The following MYPN variants were observed in gnomAD, a reference collection of about 807,000 sequenced individuals.
MYPN encodes myopalladin, also known as sarcomeric protein myopalladin, 145 kDa (MYOP).
A neutral mutation model predicts 129.4 loss-of-function variants in MYPN; 63 were observed. That is an observed-to-expected ratio of 0.49 (90% CI 0.40 to 0.60). MYPN has a LOEUF of 0.60. Ranked by LOEUF, MYPN falls within the 20% of genes least tolerant of loss-of-function variation. The pLI, the probability that MYPN is intolerant of heterozygous loss-of-function variation, is 0.00. For missense variants in MYPN, 1,596 were observed against 1,635.4 expected, an observed-to-expected ratio of 0.98 and a Z score of 0.42; for synonymous variants, 629 against 600.9, an observed-to-expected ratio of 1.05 and a Z score of -0.68.
At chr10:68,129,077 A>C (rs994827529) in intron 2 of MYPN, among the ~76,000 whole-genome samples, 2 of 151,954 alleles carry the variant, frequency 1.3e-5, no homozygotes, top group African/African-American at 2.4e-5. Flanking sequence ...AGGCTACTCA[A>C]AGTGGGTCCA....
At chr10:68,103,092 C>T (rs1017112776), upstream of MYPN, among the ~76,000 whole-genome samples, 1 of 152,150 alleles carries the variant, frequency 6.6e-6, no homozygotes, top group African/African-American at 2.4e-5. Context: ...AAAAGCAAAA[C>T]AAAAAGATTT....
chr10:68,108,638 A>G (rs2042041016), upstream of MYPN, among the ~76,000 whole-genome samples: 1 of 152,222 alleles, frequency 6.6e-6, no homozygotes, highest in Non-Finnish European at 1.5e-5. Context: ...GTCTTCTACC[A>G]TGATTGATAA....
At chr10:68,207,012 C>T (rs2043827731) in intron 19 of MYPN, 109 bp downstream of exon 19, 7 of 1,385,814 alleles carry the variant, frequency 5.1e-6, no homozygotes, top group Non-Finnish European at 6.0e-6. Flanking sequence ...AATCCCAGCA[C>T]TTTGGGAGGC....
chr10:68,120,321 CT>C lies in MYPN; in HGVS notation c.-1-1114del, dbSNP rs141630937. 7.9e-3 allele frequency among the ~76,000 whole-genome samples: 1,197 copies of C among 152,242 alleles called. 8 individuals carry two copies. The highest frequency in any genetic ancestry group is 0.016 in the South Asian group (76 of 4,830). ...AAAATTGGCTTGCATTATTATATTA[CT>C]TTCTTAAGACTTTAAAAATATTTAT... On this transcript the variant is annotated intron_variant, in intron 1 of 19. Coordinates refer to ENST00000358913, the MANE Select transcript of MYPN (RefSeq NM_032578.4).
rs554280582 is a variant in MYPN at position 68,176,551 on chromosome 10, G to A, written c.2703+1090G>A. ...CTTCCAGTGGAGCCATGGATATATA[G>A]TAATTCGCAATTGTGTTATATATTG... On this transcript the variant is annotated intron_variant, in intron 12 of 19. Transcript: ENST00000358913. Among the ~76,000 whole-genome samples, 129 of 152,224 alleles carry A rather than the reference G, an allele frequency of 8.5e-4. 1 individual carries two copies. Among genetic ancestry groups the A allele is most frequent in the African/African-American group, 2.7e-3 (113 of 41,536 alleles).
At chr10:68,096,786 A>G (rs1395319189) in intron 1 of MYPN, among the ~76,000 whole-genome samples, 1 of 152,222 alleles carries the variant, frequency 6.6e-6, no homozygotes, top group Non-Finnish European at 1.5e-5. Flanking sequence ...AGGTTAGGAT[A>G]TTCCTCACTT....
At position 68,158,221 on chromosome 10, in the gene MYPN, G is replaced by C. The variant is rs146099488; in HGVS notation, c.1318-265G>C. The C allele has an allele frequency of 5.5e-3, 2,409 of 437,116 alleles. 9 individuals carry two copies. Among genetic ancestry groups the C allele is most frequent in the Middle Eastern group, 9.2e-3 (14 of 1,530 alleles). The allele number at this position is 437,116 out of a possible 1,614,324, so 27.1% of individuals were successfully genotyped here. A position where few individuals can be genotyped will look rare whatever the true frequency, so the allele number is the denominator to read the frequency against. ...CCCTCCTGAAGCTGTGCGCTCAGTGGAAGAAGATGACCATCCCTGATAGAG... is the reference window on the plus strand; with the variant it reads ...CCCTCCTGAAGCTGTGCGCTCAGTGCAAGAAGATGACCATCCCTGATAGAG... On this transcript the variant is annotated intron_variant, in intron 6 of 19. Coordinates refer to ENST00000358913, the MANE Select transcript of MYPN (RefSeq NM_032578.4).
rs61854760 is a variant in MYPN, at chr10:68,204,503, C to G, written c.3660-2267C>G. On this transcript the variant is annotated intron_variant, in intron 18 of 19. Coordinates refer to ENST00000358913, the MANE Select transcript of MYPN (RefSeq NM_032578.4). ...TTGGGAGGCCAAGGCAGGTGGATCA[C>G]CTTTGGTCAGGAGTTGGAGACCAGC... is the stretch of plus-strand genomic sequence containing the variant. Among the ~76,000 whole-genome samples, 7 of 152,202 alleles carry G rather than the reference C, an allele frequency of 4.6e-5. No homozygotes were observed. The South Asian group carries it at 1.5e-3, about 32-fold the overall frequency.
chr10:68,199,862 G>A (rs1338264633), intron 17 of MYPN, among the ~76,000 whole-genome samples: 1 of 152,128 alleles, frequency 6.6e-6, no homozygotes, highest in Non-Finnish European at 1.5e-5. Flanking sequence ...CCAGTTATTT[G>A]CCCTACAGTC....
intron 18 of MYPN, 98 bp downstream of exon 18, chr10:68,202,092 T>C (rs1449636156): frequency 2.2e-6 from 3 of 1,368,582 alleles, no homozygotes; most frequent in East Asian, 2.3e-5. Flanking sequence ...GCTTACTTCA[T>C]TTAGAATAAT....
intron 1 of MYPN, among the ~76,000 whole-genome samples, chr10:68,091,523 T>A (rs1486886797): frequency 1.3e-5 from 2 of 151,402 alleles, no homozygotes; most frequent in African/African-American, 4.9e-5. Flanking sequence ...GCCTCTCGAT[T>A]AGCTAGGGCT....
chr10:68,149,980 C>G, intron 5 of MYPN, 60 bp from the exon 6 acceptor site: 1 of 1,453,268 alleles, frequency 6.9e-7, no homozygotes, highest in African/African-American at 1.4e-5. Flanking sequence ...TTTGTTATGT[C>G]TCACTATCCA....
At chr10:68,136,496 A>G in intron 2 of MYPN, 1 of 1,296,370 alleles carries the variant, frequency 7.7e-7, no homozygotes. Context: ...TCAGCATAGC[A>G]GGGTAAATTT....
chr10:68,149,963 C>T, intron 5 of MYPN, 77 bp from the exon 6 acceptor site: 1 of 1,352,290 alleles, frequency 7.4e-7, no homozygotes, highest in South Asian at 1.2e-5. Flanking sequence ...ATACCAAATT[C>T]TATAGGTTTG....
chr10:68,152,806 T>G (rs2042796715), intron 6 of MYPN, among the ~76,000 whole-genome samples: 1 of 151,268 alleles, frequency 6.6e-6, no homozygotes, highest in Non-Finnish European at 1.5e-5. Flanking sequence ...CTGGCTAATC[T>G]TTTGTATTTT....
chr10:68,192,863 T>C lies in MYPN; in HGVS notation c.2926-1500T>C, dbSNP rs113130826. Reference sequence around the variant, plus strand: ...GTTTCTGTGGTTATCAGTTGTATTGTTTCCTTTTTCATCTCTTATTTTATT... The same window carrying C: ...GTTTCTGTGGTTATCAGTTGTATTGCTTCCTTTTTCATCTCTTATTTTATT... On this transcript the variant is annotated intron_variant, in intron 13 of 19. Coordinates refer to ENST00000358913, the MANE Select transcript of MYPN (RefSeq NM_032578.4). Among the ~76,000 whole-genome samples, 8 of 152,220 alleles carry C rather than the reference T, an allele frequency of 5.3e-5. 1 individual carries two copies. Among genetic ancestry groups the C allele is most frequent in the African/African-American group, 1.9e-4 (8 of 41,566 alleles).
intron 13 of MYPN, among the ~76,000 whole-genome samples, chr10:68,190,247 C>A (rs576445056): frequency 5.7e-4 from 86 of 152,124 alleles, no homozygotes; most frequent in Admixed American, 3.7e-3. Context: ...AGTGTGGTGG[C>A]ACAGTCTTGG....
At chr10:68,202,646 G>A (rs1483778154) in intron 18 of MYPN, among the ~76,000 whole-genome samples, 1 of 152,108 alleles carries the variant, frequency 6.6e-6, no homozygotes, top group Non-Finnish European at 1.5e-5. Flanking sequence ...AACTGGGTAC[G>A]TTGCTTAATC....
At chr10:68,107,507 ATT>A (rs34774320), upstream of MYPN, among the ~76,000 whole-genome samples, 14,761 of 143,100 alleles carry the variant, frequency 0.1, 780 homozygotes, top group Middle Eastern at 0.18. Context: ...CGCCCTGCTA[ATT>A]TTTTTTTTTT....
Sources: allele counts gnomAD v4.1 joint callset (sites outside exome capture counted in the v4.1 genomes callset), GRCh38; gene constraint gnomAD v4.1.1; transcripts MANE v1.5; gene names NCBI Gene and HGNC (gene_info 2026-07-23, HGNC 2026-07-21).